ZNF804A: variants seen among roughly 807,000 people sequenced by gnomAD.
ZNF804A encodes the protein zinc finger protein 804A.
Under a neutral mutation model 16.5 loss-of-function variants are expected in ZNF804A, and 2 were observed. That is an observed-to-expected ratio of 0.12 (90% CI 0.05 to 0.38). The LOEUF is 0.38. ZNF804A is among the 10% of genes least tolerant of loss of function. ZNF804A has a pLI of 0.99. For synonymous variants in ZNF804A, 534 were observed against 489.6 expected (o/e 1.09, Z -1.20); for missense variants, 1,473 against 1,390.7 (o/e 1.06, Z -0.94).
chr2:184,671,256 T>G (rs1282322570), intron 1 of ZNF804A, among the ~76,000 whole-genome samples: 1 of 152,234 alleles, frequency 6.6e-6, no homozygotes, highest in Non-Finnish European at 1.5e-5. Flanking sequence ...TCCACTTTCA[T>G]CATGTCTGCT....
chr2:184,853,085 C>T (rs1209118293), intron 1 of ZNF804A, among the ~76,000 whole-genome samples: 2 of 151,792 alleles, frequency 1.3e-5, no homozygotes, highest in Non-Finnish European at 2.9e-5. Context: ...CACAGAATAT[C>T]TTTCCATTTA....
intron 1 of ZNF804A, among the ~76,000 whole-genome samples, chr2:184,845,684 C>G (rs569810112): frequency 6.6e-6 from 1 of 152,220 alleles, no homozygotes; most frequent in East Asian, 1.9e-4. Context: ...TTACTACTCC[C>G]ATTCACATGC....
chr2:184,734,816 A>T (rs1344617508), intron 1 of ZNF804A, among the ~76,000 whole-genome samples: 7 of 152,166 alleles, frequency 4.6e-5, no homozygotes, highest in Admixed American at 4.6e-4. Flanking sequence ...CAATTCTAGC[A>T]GTTTTTTCCT....
intron 1 of ZNF804A, among the ~76,000 whole-genome samples, chr2:184,700,112 T>C (rs912936411): frequency 6.6e-6 from 1 of 152,140 alleles, no homozygotes; most frequent in Non-Finnish European, 1.5e-5. Context: ...TTTGATGTAA[T>C]ATTATAAGAA....
In ZNF804A at chr2:184,653,839, A is replaced by G. The variant is rs1477755687; in HGVS notation, c.111+54769A>G. 2.0e-5 allele frequency among the ~76,000 whole-genome samples: 3 copies of G among 152,224 alleles called. No homozygotes were observed. The East Asian group carries it at 5.8e-4, about 29-fold the overall frequency. On this transcript the variant is annotated intron_variant, in intron 1 of 3. Transcript: ENST00000302277. ...TCCATGCCCATTGGCCCCAGTCCTG[A>G]GATATTATTGGAAGCTTCTGATTAC...
intron 1 of ZNF804A, among the ~76,000 whole-genome samples, chr2:184,776,050 T>C (rs1481145013): frequency 6.6e-6 from 1 of 151,628 alleles, no homozygotes; most frequent in African/African-American, 2.4e-5. Flanking sequence ...GCACCTTGTT[T>C]GTACCAGGCA....
chr2:184,777,206 T>C (rs553584620), intron 1 of ZNF804A, among the ~76,000 whole-genome samples: 44 of 151,734 alleles, frequency 2.9e-4, no homozygotes, highest in Non-Finnish European at 4.9e-4. Context: ...TCTTCTACTT[T>C]CTTCAGTTAC....
chr2:184,881,767 AC>A (rs746190083), intron 2 of ZNF804A, among the ~76,000 whole-genome samples: 13 of 152,082 alleles, frequency 8.5e-5, no homozygotes, highest in Admixed American at 1.3e-4. Flanking sequence ...AACTACCAGA[AC>A]TGCCTTACAG....
chr2:184,831,302 A>G (rs1695258979), intron 1 of ZNF804A, among the ~76,000 whole-genome samples: 1 of 150,824 alleles, frequency 6.6e-6, no homozygotes, highest in African/African-American at 2.4e-5. Context: ...TTTTTCCTTT[A>G]CTCTGTGTGT....
At chr2:184,869,265 T>C (rs1290967242) in intron 2 of ZNF804A, among the ~76,000 whole-genome samples, 1 of 152,054 alleles carries the variant, frequency 6.6e-6, no homozygotes, top group Non-Finnish European at 1.5e-5. Flanking sequence ...TTGTATGCAG[T>C]AAGTCACTTA....
chr2:184,602,859 A>G (rs1183238418), intron 1 of ZNF804A, among the ~76,000 whole-genome samples: 2 of 152,150 alleles, frequency 1.3e-5, no homozygotes, highest in East Asian at 3.8e-4. Flanking sequence ...TATAATTTAT[A>G]TGCTAAATTA....
chr2:184,604,295 C>T (rs1255954575), intron 1 of ZNF804A, among the ~76,000 whole-genome samples: 2 of 151,000 alleles, frequency 1.3e-5, no homozygotes, highest in African/African-American at 4.9e-5. Flanking sequence ...CTCAGCCTCC[C>T]GAGTAGCTGG....
chr2:184,866,986 T>C (rs985299947), intron 2 of ZNF804A, among the ~76,000 whole-genome samples: 4 of 151,590 alleles, frequency 2.6e-5, no homozygotes, highest in Non-Finnish European at 4.4e-5. Context: ...TGAAAACATG[T>C]GAAAAAAAGA....
chr2:184,853,581 AT>A (rs1438548212), intron 1 of ZNF804A, among the ~76,000 whole-genome samples: 1 of 151,780 alleles, frequency 6.6e-6, no homozygotes, highest in Non-Finnish European at 1.5e-5. Context: ...TCTATATCTA[AT>A]TTTTGAGAGC....
At chr2:184,786,289 T>C (rs1036938250) in intron 1 of ZNF804A, among the ~76,000 whole-genome samples, 20 of 147,590 alleles carry the variant, frequency 1.4e-4, no homozygotes, top group Non-Finnish European at 3.0e-5. Context: ...TTCAGGTTCT[T>C]GTGTTCTTCT....
At chr2:184,772,814 CTTT>C (rs1416827801) in intron 1 of ZNF804A, among the ~76,000 whole-genome samples, 1 of 151,174 alleles carries the variant, frequency 6.6e-6, no homozygotes, top group Non-Finnish European at 1.5e-5. Context: ...TATTATCTGT[CTTT>C]TTTGTAATAG....
chr2:184,937,803 G>C lies in ZNF804A; in HGVS notation c.2407G>C (p.Val803Leu), dbSNP rs138005903. Residue 803 changes from valine to leucine, a missense_variant, in exon 4 of 4, where the codon GTT becomes CTT. Physicochemically the swap from Val to Leu is conservative, Grantham distance 32. Coordinates refer to ENST00000302277, the MANE Select transcript of ZNF804A (RefSeq NM_194250.2). ...ATTTTTGAGGCCACCAAGTACTTCA[G>C]TTGCTCCCTGCAAGCCTAAAAAGAA... Reference protein sequence around the residue: ...EEFLRPPSTSVAPCKPKKKRR... With the variant: ...EEFLRPPSTSLAPCKPKKKRR... 7.4e-6 allele frequency: 12 copies of C among 1,613,992 alleles called. No homozygotes were observed. The African/African-American group carries it at 1.5e-4, about 20-fold the overall frequency.
intron 1 of ZNF804A, among the ~76,000 whole-genome samples, chr2:184,736,644 G>A (rs1016987766): frequency 5.9e-5 from 9 of 151,910 alleles, no homozygotes; most frequent in African/African-American, 1.7e-4. Context: ...AAACCACCAC[G>A]GCACACGTAT....
chr2:184,765,107 T>C (rs1465627318), intron 1 of ZNF804A, among the ~76,000 whole-genome samples: 1 of 152,210 alleles, frequency 6.6e-6, no homozygotes, highest in East Asian at 1.9e-4. Context: ...ATTTGTGTTT[T>C]TAATTGGTAT....
Sources: allele counts gnomAD v4.1 joint callset (sites outside exome capture counted in the v4.1 genomes callset), GRCh38; gene constraint gnomAD v4.1.1; transcripts MANE v1.5; gene names NCBI Gene and HGNC (gene_info 2026-07-23, HGNC 2026-07-21).